Variants in GLP2R observed in about 807,000 individuals in gnomAD.
GLP2R encodes glucagon-like peptide 2 receptor.
In GLP2R, 59 loss-of-function variants were observed where a neutral mutation model predicts 68.2. The observed-to-expected ratio is 0.87, with a 90% CI of 0.70 to 1.07. GLP2R has a LOEUF of 1.07. GLP2R is among the 50% of genes least tolerant of loss of function. The probability of loss-of-function intolerance (pLI) is 0.00; values close to 1 mark genes in which losing one functional copy is unlikely to be tolerated. For missense variants in GLP2R, 548 were observed against 677.4 expected (o/e 0.81, Z 2.12); for synonymous variants, 270 against 265.4 (o/e 1.02, Z -0.17).
chr17:9,858,874 T>A (rs1445518718), intron 6 of GLP2R, among the ~76,000 whole-genome samples: 1 of 152,224 alleles, frequency 6.6e-6, no homozygotes, highest in Non-Finnish European at 1.5e-5. Context: ...CCTTTGATCA[T>A]GTTGGCAACA....
At chr17:9,827,896 G>C (rs2048125529) in intron 1 of GLP2R, among the ~76,000 whole-genome samples, 1 of 149,562 alleles carries the variant, frequency 6.7e-6, no homozygotes, top group Non-Finnish European at 1.5e-5. Context: ...TGGAGGTGGA[G>C]GTTGCAGTGA....
chr17:9,827,188 T>A (rs969589295), intron 1 of GLP2R, among the ~76,000 whole-genome samples: 85 of 150,160 alleles, frequency 5.7e-4, no homozygotes, highest in Admixed American at 1.5e-3. Flanking sequence ...TTTTTTTTTT[T>A]AAACAAACAC....
At chr17:9,874,775 G>T (rs576699683) in intron 10 of GLP2R, among the ~76,000 whole-genome samples, 2 of 152,096 alleles carry the variant, frequency 1.3e-5, no homozygotes, top group Admixed American at 1.3e-4. Flanking sequence ...TTCCTAATCC[G>T]CAACACCAGA....
At chr17:9,839,277 A>G (rs59730247) in intron 3 of GLP2R, among the ~76,000 whole-genome samples, 19,941 of 152,146 alleles carry the variant, frequency 0.13, 3,690 homozygotes, top group African/African-American at 0.41. Context: ...GCAAGAGGGC[A>G]GAGAGAAGGA....
In GLP2R at chr17:9,889,545, G is replaced by A. The variant is rs114201794; in HGVS notation, c.1502G>A (p.Arg501Gln). The change falls in exon 13 of 13, where the codon CGG (arginine) becomes CAG (glutamine). Residue 501 changes from arginine (R) to glutamine (Q), a missense_variant. Arg to Gln is a conservative substitution (Grantham distance 43). Coordinates refer to ENST00000262441, the MANE Select transcript of GLP2R (RefSeq NM_004246.3). Reference protein sequence around the residue: ...RKLQPSLNSGRLLHLAMRGLG... With the variant: ...RKLQPSLNSGQLLHLAMRGLG... ...CTGCAGCCCTCACTTAACAGTGGGC[G>A]GCTCCTACATCTAGCCATGCGAGGT... The A allele has an allele frequency of 9.9e-6, 16 of 1,614,204 alleles. No individual in the cohort carries two copies. The highest frequency in any genetic ancestry group is 1.3e-5 in the African/African-American group (1 of 75,062).
chr17:9,862,524 T>C (rs576317581), intron 9 of GLP2R, among the ~76,000 whole-genome samples: 4 of 152,134 alleles, frequency 2.6e-5, no homozygotes, highest in Non-Finnish European at 5.9e-5. Context: ...TAACCCAAAA[T>C]TGTGATGCAG....
chr17:9,836,549 C>A (rs938815592), intron 3 of GLP2R, 74 bp downstream of exon 3: 3 of 808,500 alleles, frequency 3.7e-6, no homozygotes, highest in Non-Finnish European at 6.6e-6. Context: ...ACAAACAGTC[C>A]CCGTCTAAGC....
intron 4 of GLP2R, among the ~76,000 whole-genome samples, chr17:9,851,997 A>C (rs2066895614): frequency 6.6e-6 from 1 of 152,120 alleles, no homozygotes; most frequent in African/African-American, 2.4e-5. Flanking sequence ...CAATATGCCA[A>C]TAATTTTGTG....
At chr17:9,858,509 C>T (rs1369196772) in intron 6 of GLP2R, among the ~76,000 whole-genome samples, 1 of 152,170 alleles carries the variant, frequency 6.6e-6, no homozygotes, top group African/African-American at 2.4e-5. Context: ...CAAATTAGAG[C>T]TGGTTTCCTC....
chr17:9,862,060 C>A lies in GLP2R; in HGVS notation c.1026C>A (p.Ile342=), dbSNP rs1488719717. 8 of 1,613,624 alleles carry A rather than the reference C, an allele frequency of 5.0e-6. No individual in the cohort carries two copies. The East Asian group carries it at 1.8e-4, about 36-fold the overall frequency. Reference sequence around the variant, plus strand: ...ATGGGAATAAGAAAATCTGGTGGATCATCCGAGGACCCATGATGCTCTGTG... The same window carrying A: ...ATGGGAATAAGAAAATCTGGTGGATAATCCGAGGACCCATGATGCTCTGTG... The part of the protein sequence containing the change: ...TTNGNKKIWW[I]IRGPMMLCVT... Residue 342 remains isoleucine (I), a synonymous_variant, in exon 9 of 13, where the codon ATC becomes ATA. Transcript: ENST00000262441.
chr17:9,856,553 A>C (rs967762615), intron 5 of GLP2R, among the ~76,000 whole-genome samples: 4 of 152,226 alleles, frequency 2.6e-5, no homozygotes, highest in African/African-American at 9.6e-5. Flanking sequence ...AGGAGACCCC[A>C]GGTGCATAAG....
At chr17:9,857,687 T>G in intron 6 of GLP2R, 111 bp downstream of exon 6, 1 of 996,950 alleles carries the variant, frequency 1.0e-6, no homozygotes, top group Non-Finnish European at 1.5e-6. Context: ...ATAAGAGGGT[T>G]TCCAAGACTT....
chr17:9,881,366 G>T (rs1301575742), intron 11 of GLP2R, among the ~76,000 whole-genome samples: 1 of 148,898 alleles, frequency 6.7e-6, no homozygotes, highest in Non-Finnish European at 1.5e-5. Context: ...ATAAAAGCAG[G>T]AGCTGTCAGG....
intron 9 of GLP2R, among the ~76,000 whole-genome samples, chr17:9,869,916 C>T (rs1259166737): frequency 6.6e-6 from 1 of 152,132 alleles, no homozygotes; most frequent in Non-Finnish European, 1.5e-5. Context: ...GGCAGAAGGG[C>T]CAAGGAATTT....
intron 6 of GLP2R, among the ~76,000 whole-genome samples, chr17:9,858,729 T>C (rs2066956396): frequency 6.6e-6 from 1 of 152,250 alleles, no homozygotes; most frequent in Admixed American, 6.5e-5. Flanking sequence ...CTATTTCATC[T>C]AACTGTTCGA....
At chr17:9,837,905 C>T (rs1017619557) in intron 3 of GLP2R, among the ~76,000 whole-genome samples, 4 of 152,144 alleles carry the variant, frequency 2.6e-5, no homozygotes, top group African/African-American at 9.7e-5. Context: ...TTAATTTCAG[C>T]CCGATAAATC....
chr17:9,880,691 T>C (rs1345023438), intron 11 of GLP2R, among the ~76,000 whole-genome samples, 175 bp downstream of exon 11: 1 of 152,216 alleles, frequency 6.6e-6, no homozygotes, highest in African/African-American at 2.4e-5. Flanking sequence ...AGTATTGCGT[T>C]GATCCTGCCA....
At position 9,891,136 on chromosome 17, in the gene GLP2R, A is replaced by T. The variant is rs1487171515; in HGVS notation, c.*1431A>T. The stretch of plus-strand genomic sequence containing the variant: ...GCTGCCATATTTAGCAAACAAAAAC[A>T]AGGTACTCAATTAAATTTGAATTTC... On this transcript the variant is annotated 3_prime_UTR_variant, in exon 13 of 13. Coordinates refer to ENST00000262441, the MANE Select transcript of GLP2R (RefSeq NM_004246.3). 6.6e-6 allele frequency: 1 copy of T among 152,220 alleles called. No individual in the cohort carries two copies. Among genetic ancestry groups the T allele is most frequent in the East Asian group, 1.9e-4 (1 of 5,204 alleles). The allele number at this position is 152,220 out of a possible 1,614,324, so 9.4% of individuals were successfully genotyped here.
rs766910205 is a variant in GLP2R, at chr17:9,860,068, C to T, written c.892C>T (p.Arg298Trp). 90 of 1,610,880 alleles carry T rather than the reference C, an allele frequency of 5.6e-5. No homozygotes were observed. Among genetic ancestry groups the T allele is most frequent in the Middle Eastern group, 1.7e-4 (1 of 6,034 alleles). ...LLEPTVLPER[R>W]LWPRYLLLGW... is the part of the protein sequence containing the mutation. ...GGAGCCCACAGTGCTTCCTGAGAGGCGGCTGTGGCCCAGATACCTGCTGTT... is the reference window on the plus strand; with the variant it reads ...GGAGCCCACAGTGCTTCCTGAGAGGTGGCTGTGGCCCAGATACCTGCTGTT... The change falls in exon 7 of 13, where the codon CGG becomes TGG. Residue 298 changes from arginine (R) to tryptophan (W), a missense_variant. Coordinates refer to ENST00000262441, the MANE Select transcript of GLP2R (RefSeq NM_004246.3).
Sources: gnomAD v4.1 joint callset for allele counts (sites outside exome capture counted in the v4.1 genomes callset) on GRCh38, gnomAD v4.1.1 for gene constraint, MANE v1.5 for transcripts, NCBI Gene and HGNC (gene_info 2026-07-23, HGNC 2026-07-21) for gene names.